DENND2B: variants seen among roughly 807,000 people sequenced by gnomAD.
The protein encoded by DENND2B is DENN domain-containing protein 2B.
DENND2B carries 32 observed loss-of-function variants against 116.0 expected under a neutral mutation model. The observed-to-expected ratio is 0.28, with a 90% CI of 0.21 to 0.37. DENND2B has a LOEUF of 0.37. DENND2B is among the 10% of genes least tolerant of loss of function. DENND2B has a pLI of 1.00. For missense variants in DENND2B, 1,276 were observed against 1,477.7 expected (o/e 0.86, Z 2.24); for synonymous variants, 588 against 583.9 (o/e 1.01, Z -0.10).
intron 3 of DENND2B, among the ~76,000 whole-genome samples, chr11:8,846,591 T>C (rs912337955): frequency 6.6e-6 from 1 of 152,156 alleles, no homozygotes; most frequent in African/African-American, 2.4e-5. Context: ...ATAAAACAGC[T>C]TCCCTCCTCT....
At chr11:8,904,573 A>G (rs1051391047) in intron 1 of DENND2B, among the ~76,000 whole-genome samples, 62 of 152,326 alleles carry the variant, frequency 4.1e-4, no homozygotes, top group African/African-American at 7.2e-4. Context: ...GGTTCAAGCC[A>G]GTGCGATTAG....
upstream of DENND2B, among the ~76,000 whole-genome samples, chr11:8,875,265 G>A (rs1360996878): frequency 6.6e-6 from 1 of 151,064 alleles, no homozygotes; most frequent in South Asian, 2.1e-4. Flanking sequence ...AGAGCTTGCA[G>A]TGAGCCCAGA....
intron 4 of DENND2B, among the ~76,000 whole-genome samples, chr11:8,829,238 G>A (rs12420471): frequency 1.1e-4 from 16 of 151,852 alleles, no homozygotes; most frequent in Admixed American, 1.1e-3. Context: ...GTTGTAAGAG[G>A]AGGTGGGAGA....
intron 2 of DENND2B, among the ~76,000 whole-genome samples, chr11:8,748,854 A>G (rs1485889450): frequency 6.6e-6 from 1 of 152,176 alleles, no homozygotes; most frequent in Non-Finnish European, 1.5e-5. Context: ...ACCTGTCAGC[A>G]GTCTCGAGTC....
intron 4 of DENND2B, among the ~76,000 whole-genome samples, chr11:8,833,000 A>C (rs1204618500): frequency 6.6e-6 from 1 of 152,254 alleles, no homozygotes; most frequent in Non-Finnish European, 1.5e-5. Context: ...TCCTCTTAGC[A>C]TAGGCTTTGG....
chr11:8,719,624 C>G (rs2045784097), intron 4 of DENND2B, among the ~76,000 whole-genome samples: 1 of 152,226 alleles, frequency 6.6e-6, no homozygotes, highest in Non-Finnish European at 1.5e-5. Flanking sequence ...TTTTCTCCAG[C>G]CTACCCCACT....
At chr11:8,883,748 T>A (rs1341266837) in intron 1 of DENND2B, among the ~76,000 whole-genome samples, 1 of 152,236 alleles carries the variant, frequency 6.6e-6, no homozygotes, top group Non-Finnish European at 1.5e-5. Flanking sequence ...TTTCTCTACA[T>A]AATCACTACT....
At chr11:8,744,790 C>T (rs1377674279) in intron 2 of DENND2B, among the ~76,000 whole-genome samples, 1 of 152,096 alleles carries the variant, frequency 6.6e-6, no homozygotes, top group Non-Finnish European at 1.5e-5. Context: ...AAGCCTGTCC[C>T]ACCAGTGTCT....
At chr11:8,757,282 T>C in intron 1 of DENND2B, 1 of 360,378 alleles carries the variant, frequency 2.8e-6, no homozygotes, top group Non-Finnish European at 5.4e-6. Flanking sequence ...ATGTTTGTTC[T>C]TCCAGATCAC....
At chr11:8,787,717 G>T (rs1565949380) in intron 1 of DENND2B, among the ~76,000 whole-genome samples, 1 of 152,220 alleles carries the variant, frequency 6.6e-6, no homozygotes, top group Non-Finnish European at 1.5e-5. Flanking sequence ...CTGGCATTTG[G>T]CCAGGTAGGC....
upstream of DENND2B, among the ~76,000 whole-genome samples, chr11:8,812,839 A>C (rs1419004132): frequency 6.6e-6 from 1 of 152,214 alleles, no homozygotes; most frequent in Non-Finnish European, 1.5e-5. Context: ...CAAACAAAAA[A>C]CACTGGGACA....
chr11:8,890,477 A>T (rs1270720513), intron 1 of DENND2B, among the ~76,000 whole-genome samples: 2 of 152,210 alleles, frequency 1.3e-5, no homozygotes, highest in Non-Finnish European at 2.9e-5. Context: ...CATCGAGAAG[A>T]AGCTAAAAAC....
At chr11:8,827,178 C>G (rs923515355) in intron 4 of DENND2B, among the ~76,000 whole-genome samples, 2 of 152,212 alleles carry the variant, frequency 1.3e-5, no homozygotes, top group Admixed American at 6.5e-5. Context: ...GTCTGGGGCT[C>G]CTTACCCTGG....
intron 3 of DENND2B, among the ~76,000 whole-genome samples, chr11:8,846,116 G>A (rs1370782450): frequency 6.6e-6 from 1 of 152,152 alleles, no homozygotes; most frequent in African/African-American, 2.4e-5. Context: ...ACACAGACAG[G>A]GACGTGCCAG....
chr11:8,731,912 G>T (rs764343654), intron 2 of DENND2B, among the ~76,000 whole-genome samples: 12 of 152,178 alleles, frequency 7.9e-5, no homozygotes, highest in Non-Finnish European at 1.8e-4. Flanking sequence ...ACTACTCCCT[G>T]AAGTGGCCCC....
rs191483326 is a variant in DENND2B at position 8,700,444 on chromosome 11, C to T, written c.2721-1054G>A. ...AAGTCAGCAGCTCTGGTTTTTCTTC[C>T]TCCTTTCTTCTCCTGGGCTGAGGAT... On this transcript the variant is annotated intron_variant, in intron 14 of 19. Coordinates refer to ENST00000313726, the MANE Select transcript of DENND2B (RefSeq NM_213618.2). Among the ~76,000 whole-genome samples, 3 of 152,324 alleles carry T rather than the reference C, an allele frequency of 2.0e-5. No homozygotes were observed. The East Asian group carries it at 5.8e-4, about 29-fold the overall frequency.
In DENND2B at chr11:8,697,541, G is replaced by A. The variant is rs1400492335; in HGVS notation, c.3036C>T (p.Asp1012=). Residue 1012 remains aspartate, a synonymous_variant, in exon 17 of 20, where the codon GAC becomes GAT. Transcript: ENST00000313726. ...RKNELISQDS[D]SDSDDECNTL... ...TATTCTCACCATCGTCGGAGTCGCT[G>A]TCAGAGTCCTGGGAGATCAGCTCAT... The A allele has an allele frequency of 6.2e-7, 1 of 1,614,034 alleles. No homozygotes were observed. The highest frequency in any genetic ancestry group is 8.5e-7 in the Non-Finnish European group (1 of 1,179,848).
chr11:8,705,100 T>C (rs944326501), intron 13 of DENND2B, among the ~76,000 whole-genome samples: 10 of 152,258 alleles, frequency 6.6e-5, no homozygotes, highest in African/African-American at 2.4e-4. Context: ...AAGCCCTCCA[T>C]GGAGCCTAAC....
At chr11:8,838,807 C>T (rs940152430) in intron 4 of DENND2B, among the ~76,000 whole-genome samples, 4 of 152,212 alleles carry the variant, frequency 2.6e-5, no homozygotes, top group African/African-American at 7.2e-5. Flanking sequence ...GGACTATCTT[C>T]ATGACCTTGG....
Sources: gnomAD v4.1 joint callset for allele counts (sites outside exome capture counted in the v4.1 genomes callset) on GRCh38, gnomAD v4.1.1 for gene constraint, MANE v1.5 for transcripts, NCBI Gene and HGNC (gene_info 2026-07-23, HGNC 2026-07-21) for gene names.